The following CHMP2B variants were observed in gnomAD, a reference collection of about 807,000 sequenced individuals.
The protein encoded by CHMP2B is charged multivesicular body protein 2B.
CHMP2B carries 22 observed loss-of-function variants against 29.8 expected under a neutral mutation model. That is an observed-to-expected ratio of 0.74 (90% CI 0.53 to 1.05). The LOEUF (loss-of-function observed/expected upper bound fraction) is 1.05. Among genes scored for constraint, CHMP2B ranks in the 50% least tolerant of loss-of-function variants. The pLI is 0.00. For synonymous variants in CHMP2B, 78 were observed against 75.8 expected, an observed-to-expected ratio of 1.03 and a Z score of -0.15; for missense variants, 261 against 252.2, an observed-to-expected ratio of 1.03 and a Z score of -0.24.
intron 1 of CHMP2B, among the ~76,000 whole-genome samples, chr3:87,234,994 C>CTT (rs3840195): frequency 2.0e-5 from 3 of 152,030 alleles, no homozygotes; most frequent in Non-Finnish European, 4.4e-5. Context: ...ATTTTAAAGA[C>CTT]GTGTTAAATA....
intron 1 of CHMP2B, among the ~76,000 whole-genome samples, chr3:87,229,646 G>A (rs1705872640): frequency 6.6e-6 from 1 of 151,956 alleles, no homozygotes; most frequent in South Asian, 2.1e-4. Flanking sequence ...GAAGTTTAAT[G>A]TATTTTTATG....
At chr3:87,228,941 G>A (rs550906716) in intron 1 of CHMP2B, among the ~76,000 whole-genome samples, 2 of 151,924 alleles carry the variant, frequency 1.3e-5, no homozygotes, top group East Asian at 3.9e-4. Flanking sequence ...GAGTGGGGGT[G>A]GGGGAACGAT....
intron 3 of CHMP2B, among the ~76,000 whole-genome samples, chr3:87,249,058 A>G (rs1264453775): frequency 6.6e-6 from 1 of 152,200 alleles, no homozygotes; most frequent in African/African-American, 2.4e-5. Context: ...GTATACTTAC[A>G]TAAACCTAGG....
intron 2 of CHMP2B, among the ~76,000 whole-genome samples, chr3:87,242,507 TACTTA>T (rs1318810691): frequency 6.6e-6 from 1 of 152,206 alleles, no homozygotes; most frequent in Non-Finnish European, 1.5e-5. Context: ...TTTAGTGTAC[TACTTA>T]ACTTTTAGTG....
chr3:87,249,909 A>G lies in CHMP2B; in HGVS notation c.356A>G (p.Gln119Arg). ...MQAVNKKMDP[Q>R]KTLQTMQNFQ... ...GCAGTTAACAAGAAGATGGATCCACAAAAGACATTACAAACAATGCAGAAT... is the reference window on the plus strand; with the variant it reads ...GCAGTTAACAAGAAGATGGATCCACGAAAGACATTACAAACAATGCAGAAT... The change falls in exon 4 of 6, where the codon CAA becomes CGA. Residue 119 changes from glutamine to arginine, a missense_variant. Gln to Arg is a conservative substitution (Grantham distance 43). Transcript: ENST00000263780. 1.9e-6 allele frequency: 3 copies of G among 1,608,054 alleles called. No homozygotes were observed. The highest frequency in any genetic ancestry group is 2.6e-6 in the Non-Finnish European group (3 of 1,175,712).
At chr3:87,234,589 TAA>T (rs1199260250) in intron 1 of CHMP2B, among the ~76,000 whole-genome samples, 1 of 152,180 alleles carries the variant, frequency 6.6e-6, no homozygotes. Flanking sequence ...CACTGAATGG[TAA>T]GAGAGAGAAT....
At chr3:87,240,933 A>G (rs1706106931) in intron 2 of CHMP2B, 143 bp downstream of exon 2, 1 of 687,810 alleles carries the variant, frequency 1.5e-6, no homozygotes, top group Non-Finnish European at 2.7e-6. Flanking sequence ...TGATTTTTGT[A>G]TCTTCTGCTT....
rs548470900 is a variant in CHMP2B at position 87,250,005 on chromosome 3, T to C, written c.424+28T>C. 102 of 1,331,954 alleles carry C rather than the reference T, an allele frequency of 7.7e-5. No homozygotes were observed. In the South Asian group the frequency reaches 1.2e-3, roughly 16 times the overall value. The allele number at this position is 1,331,954 out of a possible 1,614,324, so 82.5% of individuals were successfully genotyped here. On this transcript the variant is annotated intron_variant, in intron 4 of 5. Coordinates refer to ENST00000263780, the MANE Select transcript of CHMP2B (RefSeq NM_014043.4). ...AAGTTTAATAAATTATAATGAAATTTATAGTTTTCTCATCTTTGAATTAGC... is the reference window on the plus strand; with the variant it reads ...AAGTTTAATAAATTATAATGAAATTCATAGTTTTCTCATCTTTGAATTAGC...
At position 87,251,462 on chromosome 3, in the gene CHMP2B, A is replaced by G. The variant is rs139033622; in HGVS notation, c.424+1485A>G. Among the ~76,000 whole-genome samples the G allele has an allele frequency of 2.0e-3, 301 of 152,122 alleles. 5 individuals carry two copies. Among genetic ancestry groups the G allele is most frequent in the African/African-American group, 6.6e-3 (273 of 41,564 alleles). On this transcript the variant is annotated intron_variant, in intron 4 of 5. Coordinates refer to ENST00000263780, the MANE Select transcript of CHMP2B (RefSeq NM_014043.4). ...GAATCAATAACCCTTACTTAATCAG[A>G]TATCTATAATACCTACTGCAGTTGT... is the stretch of plus-strand genomic sequence containing the variant.
intron 2 of CHMP2B, among the ~76,000 whole-genome samples, chr3:87,245,266 C>T (rs1042106411): frequency 2.6e-5 from 4 of 152,018 alleles, no homozygotes; most frequent in Middle Eastern, 3.4e-3. Context: ...TTATCTAATC[C>T]GACAGTCTGT....
At chr3:87,249,667 C>T (rs1706278327) in intron 3 of CHMP2B, among the ~76,000 whole-genome samples, 1 of 151,942 alleles carries the variant, frequency 6.6e-6, no homozygotes, top group African/African-American at 2.4e-5. Flanking sequence ...GTTTTTCACA[C>T]TGGTCTTTAT....
chr3:87,248,656 A>G (rs1706260285), intron 3 of CHMP2B, among the ~76,000 whole-genome samples: 1 of 152,068 alleles, frequency 6.6e-6, no homozygotes, highest in Non-Finnish European at 1.5e-5. Context: ...GCAATAGTGC[A>G]AAGTTTAATC....
chr3:87,229,891 A>G (rs1705876664), intron 1 of CHMP2B, among the ~76,000 whole-genome samples: 1 of 152,168 alleles, frequency 6.6e-6, no homozygotes, highest in Non-Finnish European at 1.5e-5. Context: ...ACTTATTACT[A>G]TTCAGAGTTA....
Position 87,245,742 on chromosome 3 carries a change from T to C in CHMP2B, c.155T>C (p.Ile52Thr), listed in dbSNP as rs1218389198. 25 of 1,613,544 alleles carry C rather than the reference T, an allele frequency of 1.5e-5. No homozygotes were observed. Among genetic ancestry groups the C allele is most frequent in the Non-Finnish European group, 1.9e-5 (23 of 1,179,830 alleles). Residue 52 changes from isoleucine to threonine, a missense_variant, in exon 3 of 6, where the codon ATT becomes ACT. Coordinates refer to ENST00000263780, the MANE Select transcript of CHMP2B (RefSeq NM_014043.4). Reference sequence around the variant, plus strand: ...TTAGAAATTAAGAAAATGGCCAAGATTGGTAATAAGGAAGCTTGCAAAGTT... The same window carrying C: ...TTAGAAATTAAGAAAATGGCCAAGACTGGTAATAAGGAAGCTTGCAAAGTT... ...LELEIKKMAK[I>T]GNKEACKVLA... is the part of the protein sequence containing the mutation.
intron 1 of CHMP2B, among the ~76,000 whole-genome samples, chr3:87,236,211 T>C (rs1354414944): frequency 3.9e-5 from 6 of 152,094 alleles, no homozygotes; most frequent in Admixed American, 3.3e-4. Context: ...TAGTCAAGTG[T>C]TTGGTCTTTC....
chr3:87,252,071 T>A (rs1055380571), intron 4 of CHMP2B, among the ~76,000 whole-genome samples: 3 of 151,902 alleles, frequency 2.0e-5, no homozygotes, highest in African/African-American at 7.2e-5. Context: ...AAGAAGGAAG[T>A]ATTTAGCTTA....
rs147320987 is a variant in CHMP2B at position 87,242,655 on chromosome 3, A to G, written c.126+1865A>G. Among the ~76,000 whole-genome samples, 1,017 of 152,246 alleles carry G rather than the reference A, an allele frequency of 6.7e-3. 8 individuals are homozygous for G. Among genetic ancestry groups the G allele is most frequent in the Non-Finnish European group, 0.011 (774 of 67,976 alleles). ...ATTAAGTTTCAGTATGGTGTCAGGT[A>G]AGGGTAGAGGTTCACTTTTTGCATA... On this transcript the variant is annotated intron_variant, in intron 2 of 5. Coordinates refer to ENST00000263780, the MANE Select transcript of CHMP2B (RefSeq NM_014043.4).
rs1441223603 is a variant in CHMP2B at position 87,240,696 on chromosome 3, T to G, written c.35-3T>G. 2.5e-6 allele frequency: 4 copies of G among 1,598,862 alleles called. No homozygotes were observed. In the African/African-American group the frequency reaches 5.4e-5, roughly 21 times the overall value. On this transcript the variant is annotated splice_polypyrimidine_tract_variant and splice_region_variant and intron_variant, in intron 1 of 5. Transcript: ENST00000263780. ...ATTTAGGTTTCTTTTGTGATTCTCC[T>G]AGATGTAATAAAGGAACAGAATCGA...
intron 2 of CHMP2B, among the ~76,000 whole-genome samples, chr3:87,242,452 G>A (rs1228911719): frequency 6.6e-6 from 1 of 152,078 alleles, no homozygotes; most frequent in Non-Finnish European, 1.5e-5. Flanking sequence ...ATACATAAGA[G>A]TGGAGTTGTT....
Sources: gnomAD v4.1 joint callset for allele counts (sites outside exome capture counted in the v4.1 genomes callset) on GRCh38, gnomAD v4.1.1 for gene constraint, MANE v1.5 for transcripts, NCBI Gene and HGNC (gene_info 2026-07-23, HGNC 2026-07-21) for gene names.